The following FHIT variants were observed in gnomAD, a reference collection of about 807,000 sequenced individuals.
The protein encoded by FHIT is bis(5'-adenosyl)-triphosphatase.
FHIT carries 19 observed loss-of-function variants against 17.9 expected under a neutral mutation model. The ratio of observed to expected loss-of-function variants is 1.06; its 90% CI spans 0.74 to 1.56. The LOEUF (loss-of-function observed/expected upper bound fraction) is 1.56, where lower values mean the gene tolerates loss of function less well. Among genes scored for constraint, FHIT ranks in the 40% most tolerant of loss-of-function variants. FHIT has a pLI of 0.00. For missense variants in FHIT, 248 were observed against 189.2 expected (o/e 1.31, Z -1.82); for synonymous variants, 81 against 69.7 (o/e 1.16, Z -0.81).
At chr3:60,781,120 C>T (rs1700372440) in intron 4 of FHIT, among the ~76,000 whole-genome samples, 1 of 152,176 alleles carries the variant, frequency 6.6e-6, no homozygotes, top group South Asian at 2.1e-4. Flanking sequence ...CTCCATTCTC[C>T]AGGAGGGAGA....
intron 5 of FHIT, among the ~76,000 whole-genome samples, chr3:60,442,364 T>C (rs945114735): frequency 6.6e-6 from 1 of 152,148 alleles, no homozygotes; most frequent in African/African-American, 2.4e-5. Flanking sequence ...ATGTCCTGAA[T>C]GGTATTGCCT....
At chr3:59,924,202 C>T (rs1187072011) in intron 7 of FHIT, among the ~76,000 whole-genome samples, 1 of 152,182 alleles carries the variant, frequency 6.6e-6, no homozygotes, top group African/African-American at 2.4e-5. Context: ...AGGATACAGA[C>T]AACCCTTAGA....
chr3:60,530,783 G>A (rs2035748244), intron 5 of FHIT, among the ~76,000 whole-genome samples: 1 of 152,202 alleles, frequency 6.6e-6, no homozygotes, highest in South Asian at 2.1e-4. Context: ...ATTCTCTGTG[G>A]TGGATTTTAG....
chr3:60,252,391 T>A (rs986614666), intron 5 of FHIT, among the ~76,000 whole-genome samples: 13 of 151,858 alleles, frequency 8.6e-5, no homozygotes, highest in East Asian at 1.9e-4. Flanking sequence ...AAAAAAATTT[T>A]AAAAATTTAA....
At chr3:60,347,673 T>G (rs1454109312) in intron 5 of FHIT, among the ~76,000 whole-genome samples, 1 of 13,814 alleles carries the variant, frequency 7.2e-5, no homozygotes, top group African/African-American at 1.8e-4. Context: ...TCACCACTGG[T>G]TTGGGGGGGG....
At chr3:59,853,409 T>C (rs1702022340) in intron 8 of FHIT, among the ~76,000 whole-genome samples, 3 of 152,220 alleles carry the variant, frequency 2.0e-5, no homozygotes, top group South Asian at 2.1e-4. Context: ...CTTTCTATCA[T>C]TGAGGTACAT....
chr3:61,004,519 T>G (rs538585292), intron 3 of FHIT, among the ~76,000 whole-genome samples: 33 of 152,204 alleles, frequency 2.2e-4, no homozygotes, highest in Non-Finnish European at 2.6e-4. Flanking sequence ...TCACACGACA[T>G]AAAGGGAGAA....
chr3:61,015,702 A>G (rs1333303876), intron 3 of FHIT, among the ~76,000 whole-genome samples: 3 of 152,044 alleles, frequency 2.0e-5, no homozygotes, highest in African/African-American at 4.8e-5. Context: ...ATGTGGTTCA[A>G]TCTCTCTCTC....
At chr3:60,270,759 G>T (rs967565298) in intron 5 of FHIT, among the ~76,000 whole-genome samples, 5 of 152,310 alleles carry the variant, frequency 3.3e-5, no homozygotes, top group Non-Finnish European at 7.3e-5. Context: ...TGTGAAAGAG[G>T]GATGGGGCGA....
At chr3:60,156,670 T>G (rs1284131526) in intron 5 of FHIT, among the ~76,000 whole-genome samples, 1 of 152,152 alleles carries the variant, frequency 6.6e-6, no homozygotes, top group East Asian at 1.9e-4. Context: ...GAGGATTACT[T>G]GAGCCTAAGA....
intron 4 of FHIT, among the ~76,000 whole-genome samples, chr3:60,673,109 C>G (rs1275175806): frequency 1.3e-5 from 2 of 151,640 alleles, no homozygotes; most frequent in African/African-American, 4.9e-5. Context: ...AGTAAGTTAC[C>G]CCGTAAGAGC....
intron 3 of FHIT, among the ~76,000 whole-genome samples, chr3:61,016,270 G>A (rs770782166): frequency 2.6e-5 from 4 of 152,148 alleles, no homozygotes; most frequent in Non-Finnish European, 4.4e-5. Context: ...GTGATGAAAT[G>A]GAAATCACGT....
chr3:61,095,575 G>C (rs2035612174), intron 2 of FHIT, among the ~76,000 whole-genome samples: 1 of 151,992 alleles, frequency 6.6e-6, no homozygotes, highest in African/African-American at 2.4e-5. Flanking sequence ...GTAGGCATTT[G>C]CCAGTGCATT....
chr3:60,531,568 G>A (rs954779320), intron 5 of FHIT, among the ~76,000 whole-genome samples: 4 of 152,246 alleles, frequency 2.6e-5, no homozygotes, highest in East Asian at 1.9e-4. Context: ...GTGAGCCACC[G>A]CGCCCGGCCG....
intron 5 of FHIT, among the ~76,000 whole-genome samples, chr3:60,384,796 T>A (rs1243362928): frequency 2.0e-5 from 3 of 148,250 alleles, no homozygotes; most frequent in Non-Finnish European, 4.4e-5. Flanking sequence ...AGAAACACTA[T>A]GTGAGAGATG....
At chr3:59,910,586 T>C (rs1575681677) in intron 8 of FHIT, among the ~76,000 whole-genome samples, 1 of 152,090 alleles carries the variant, frequency 6.6e-6, no homozygotes, top group African/African-American at 2.4e-5. Context: ...CCTAGATGGG[T>C]AGGTCTTGAG....
chr3:61,140,522 G>A (rs2037050790), intron 2 of FHIT, among the ~76,000 whole-genome samples: 1 of 152,136 alleles, frequency 6.6e-6, no homozygotes, highest in Admixed American at 6.5e-5. Flanking sequence ...CTTGAGGGCA[G>A]GAACTATCTG....
chr3:60,720,235 C>T (rs1260767581), intron 4 of FHIT, among the ~76,000 whole-genome samples: 1 of 152,118 alleles, frequency 6.6e-6, no homozygotes, highest in Non-Finnish European at 1.5e-5. Context: ...GTGCCTTCCC[C>T]TCAACTCTTT....
intron 8 of FHIT, among the ~76,000 whole-genome samples, chr3:59,758,895 C>G (rs1701357836): frequency 6.6e-6 from 1 of 151,898 alleles, no homozygotes; most frequent in East Asian, 1.9e-4. Context: ...GCCTTTAATG[C>G]TTGTGGGTGG....
Sources: allele counts gnomAD v4.1 joint callset (sites outside exome capture counted in the v4.1 genomes callset), GRCh38; gene constraint gnomAD v4.1.1; transcripts MANE v1.5; gene names NCBI Gene and HGNC (gene_info 2026-07-23, HGNC 2026-07-21).